Variants in SLC16A12 observed in about 807,000 individuals in gnomAD.
SLC16A12 encodes the protein solute carrier family 16 member 12.
Under a neutral mutation model 42.4 loss-of-function variants are expected in SLC16A12, and 17 were observed. That is an observed-to-expected ratio of 0.40 (90% CI 0.27 to 0.60). The LOEUF is 0.60. Ranked by LOEUF, SLC16A12 falls within the 20% of genes least tolerant of loss-of-function variation. The pLI, the probability that SLC16A12 is intolerant of heterozygous loss-of-function variation, is 0.42. For synonymous variants in SLC16A12, 224 were observed against 229.4 expected (o/e 0.98, Z 0.21); for missense variants, 544 against 623.0 (o/e 0.87, Z 1.35).
chr10:89,501,966 T>C (rs1842996646), intron 2 of SLC16A12, among the ~76,000 whole-genome samples: 1 of 152,124 alleles, frequency 6.6e-6, no homozygotes, highest in Non-Finnish European at 1.5e-5. Flanking sequence ...CCCCAATAAA[T>C]ACCTATACCT....
intron 2 of SLC16A12, among the ~76,000 whole-genome samples, chr10:89,473,670 AGAG>A (rs1277474525): frequency 6.6e-6 from 1 of 152,172 alleles, no homozygotes; most frequent in Non-Finnish European, 1.5e-5. Context: ...GCAACTCACT[AGAG>A]AAGATTTCTA....
intron 2 of SLC16A12, among the ~76,000 whole-genome samples, chr10:89,469,739 C>A (rs1301498150): frequency 6.6e-6 from 1 of 152,204 alleles, no homozygotes; most frequent in Non-Finnish European, 1.5e-5. Context: ...TGAATCACTT[C>A]CTTCCTGCTG....
chr10:89,434,340 A>G (rs922419596), intron 7 of SLC16A12, among the ~76,000 whole-genome samples: 5 of 152,224 alleles, frequency 3.3e-5, no homozygotes, highest in Non-Finnish European at 7.3e-5. Flanking sequence ...CTGATTTGCC[A>G]ATGAAGGCCA....
Position 89,431,996 on chromosome 10 carries a change from C to G in SLC16A12, c.*1068G>C, listed in dbSNP as rs907621239. ...CTCTAGGATAATATTTTTCAGACAA[C>G]TGACTCCCTCCAATCCTCTTTTGGG... On this transcript the variant is annotated 3_prime_UTR_variant, in exon 8 of 8. Coordinates refer to ENST00000371790, the MANE Select transcript of SLC16A12 (RefSeq NM_213606.4). 101 of 152,480 alleles carry G rather than the reference C, an allele frequency of 6.6e-4. 1 individual carries two copies. Among genetic ancestry groups the G allele is most frequent in the African/African-American group, 2.4e-3 (98 of 41,442 alleles). The allele number at this position is 152,480 out of a possible 1,614,324, so 9.4% of individuals were successfully genotyped here.
chr10:89,510,797 C>T (rs915382976), intron 2 of SLC16A12, among the ~76,000 whole-genome samples: 6 of 152,098 alleles, frequency 3.9e-5, no homozygotes, highest in African/African-American at 1.4e-4. Context: ...AACAGGCAAC[C>T]TACAGAATGG....
At chr10:89,537,366 A>G (rs1843684618), upstream of SLC16A12, among the ~76,000 whole-genome samples, 1 of 151,940 alleles carries the variant, frequency 6.6e-6, no homozygotes, top group African/African-American at 2.4e-5. Flanking sequence ...ATAGTCTAGT[A>G]TAGTCCTTTC....
chr10:89,501,487 A>G (rs1842990307), intron 2 of SLC16A12, among the ~76,000 whole-genome samples: 1 of 152,192 alleles, frequency 6.6e-6, no homozygotes, highest in South Asian at 2.1e-4. Context: ...AGAATAGAGA[A>G]CCCAGAAATA....
chr10:89,532,081 T>C (rs762001459), intron 2 of SLC16A12, among the ~76,000 whole-genome samples: 4 of 152,190 alleles, frequency 2.6e-5, no homozygotes, highest in Non-Finnish European at 5.9e-5. Context: ...CAAAACACAG[T>C]CTTCACACAA....
intron 2 of SLC16A12, among the ~76,000 whole-genome samples, chr10:89,508,301 T>C (rs949119200): frequency 3.3e-5 from 5 of 152,178 alleles, no homozygotes; most frequent in Non-Finnish European, 4.4e-5. Flanking sequence ...ATCACACTTA[T>C]TCCAAAATTG....
At chr10:89,555,643 A>G (rs150083080) in intron 2 of SLC16A12, among the ~76,000 whole-genome samples, 5,270 of 141,398 alleles carry the variant, frequency 0.037, 166 homozygotes, top group Middle Eastern at 0.079. Context: ...ACATATATAC[A>G]TATATATACA....
At chr10:89,490,016 A>G (rs747884884) in intron 2 of SLC16A12, among the ~76,000 whole-genome samples, 5 of 152,212 alleles carry the variant, frequency 3.3e-5, no homozygotes, top group Non-Finnish European at 7.3e-5. Flanking sequence ...TGTTCACTTG[A>G]AAATCAAAAA....
intron 3 of SLC16A12, among the ~76,000 whole-genome samples, chr10:89,459,785 C>T (rs1842265331): frequency 6.6e-6 from 1 of 151,944 alleles, no homozygotes; most frequent in South Asian, 2.1e-4. Context: ...ATTAAAAATA[C>T]AAAAAATTAG....
intron 6 of SLC16A12, among the ~76,000 whole-genome samples, chr10:89,437,817 C>G (rs1841828142): frequency 1.3e-5 from 2 of 152,182 alleles, no homozygotes; most frequent in Non-Finnish European, 2.9e-5. Flanking sequence ...GTAGCCTGCA[C>G]TCTTCAGTCC....
chr10:89,555,588 TATATATACAC>T (rs1474396966), intron 2 of SLC16A12, among the ~76,000 whole-genome samples: 1 of 142,700 alleles, frequency 7.0e-6, no homozygotes, highest in Admixed American at 7.2e-5. Context: ...TGTATATATG[TATATATACAC>T]ATATATACAT....
chr10:89,531,613 G>T (rs1040957618), intron 2 of SLC16A12, among the ~76,000 whole-genome samples: 1 of 152,204 alleles, frequency 6.6e-6, no homozygotes, highest in African/African-American at 2.4e-5. Flanking sequence ...TTGTTTCAGT[G>T]TTGGGCAGTA....
chr10:89,556,223 T>G (rs1220084221), intron 1 of SLC16A12, among the ~76,000 whole-genome samples: 4 of 152,170 alleles, frequency 2.6e-5, no homozygotes, highest in Admixed American at 2.6e-4. Context: ...GGGTGGGTAC[T>G]CCATTGATAA....
chr10:89,479,873 G>A (rs563383976), intron 2 of SLC16A12, among the ~76,000 whole-genome samples: 17 of 152,226 alleles, frequency 1.1e-4, no homozygotes, highest in African/African-American at 4.1e-4. Context: ...GTTATATCAA[G>A]TAGAACTTCA....
intron 3 of SLC16A12, among the ~76,000 whole-genome samples, chr10:89,451,451 G>T (rs960420689): frequency 1.3e-5 from 2 of 151,624 alleles, no homozygotes; most frequent in African/African-American, 4.8e-5. Context: ...TACTCCTGTT[G>T]CCCAGGCTGG....
intron 2 of SLC16A12, among the ~76,000 whole-genome samples, chr10:89,467,353 A>G (rs1242799620): frequency 6.6e-6 from 1 of 152,218 alleles, no homozygotes; most frequent in Non-Finnish European, 1.5e-5. Flanking sequence ...TTTCAATAGC[A>G]ATTCTATTTC....
Sources: gnomAD v4.1 joint callset for allele counts (sites outside exome capture counted in the v4.1 genomes callset) on GRCh38, gnomAD v4.1.1 for gene constraint, MANE v1.5 for transcripts, NCBI Gene and HGNC (gene_info 2026-07-23, HGNC 2026-07-21) for gene names.